RFC1: variants seen among roughly 807,000 people sequenced by gnomAD.
RFC1 encodes replication factor C subunit 1.
A neutral mutation model predicts 137.4 loss-of-function variants in RFC1; 37 were observed. The observed-to-expected ratio is 0.27, with a 90% CI of 0.21 to 0.35. RFC1 has a LOEUF of 0.35. Among genes scored for constraint, RFC1 ranks in the 10% least tolerant of loss-of-function variants. The pLI, the probability that RFC1 is intolerant of heterozygous loss-of-function variation, is 1.00. For synonymous variants in RFC1, 429 were observed against 455.7 expected, an observed-to-expected ratio of 0.94 and a Z score of 0.75; for missense variants, 1,205 against 1,358.5, an observed-to-expected ratio of 0.89 and a Z score of 1.78.
intron 23 of RFC1, among the ~76,000 whole-genome samples, chr4:39,290,932 T>C (rs1737642793): frequency 6.6e-6 from 1 of 152,186 alleles, no homozygotes; most frequent in African/African-American, 2.4e-5. Context: ...CTAAGTAACT[T>C]GAAAGTCTTA....
At chr4:39,353,415 A>T (rs971485148) in intron 1 of RFC1, among the ~76,000 whole-genome samples, 12 of 150,942 alleles carry the variant, frequency 8.0e-5, no homozygotes, top group African/African-American at 2.9e-4. Context: ...AAAAAAAAAA[A>T]AAAAATTAAA....
intron 4 of RFC1, among the ~76,000 whole-genome samples, chr4:39,334,004 C>T (rs558027983): frequency 2.0e-5 from 3 of 151,908 alleles, no homozygotes; most frequent in Non-Finnish European, 4.4e-5. Flanking sequence ...TCTCTAGGCC[C>T]CTAGGAAGGT....
chr4:39,300,410 G>A lies in RFC1; in HGVS notation c.2540C>T (p.Pro847Leu), dbSNP rs199897885. 18 of 1,611,920 alleles carry A rather than the reference G, an allele frequency of 1.1e-5. No individual in the cohort carries two copies. The highest frequency in any genetic ancestry group is 1.7e-4 in the Middle Eastern group (1 of 6,056). The change falls in exon 20 of 25, where the codon CCA (proline) becomes CTA (leucine). Residue 847 changes from proline to leucine, a missense_variant. Physicochemically the swap from Pro to Leu is moderately conservative, Grantham distance 98. Around this residue, in one of 3 missense-constraint regions of RFC1, gnomAD observed 962 missense variants for 1,035.3 expected, o/e 0.93. Coordinates refer to ENST00000349703, the MANE Select transcript of RFC1 (RefSeq NM_002913.5). ...AAACACTTTCCGGGCAACATCAAATGGGCCCTGAAAAAAGAGAGGGACACA... is the reference window on the plus strand; with the variant it reads ...AAACACTTTCCGGGCAACATCAAATAGGCCCTGAAAAAAGAGAGGGACACA... ...HRAKKDIKMG[P>L]FDVARKVFAA...
chr4:39,364,932 T>TA (rs1741946262), intron 1 of RFC1, among the ~76,000 whole-genome samples: 1 of 151,988 alleles, frequency 6.6e-6, no homozygotes, highest in African/African-American at 2.4e-5. Context: ...ATTACCACGT[T>TA]CTTCATCTTC....
chr4:39,359,113 C>T (rs1741624158), intron 1 of RFC1, among the ~76,000 whole-genome samples: 1 of 152,134 alleles, frequency 6.6e-6, no homozygotes. Flanking sequence ...GAAACATGGC[C>T]ACTGCTTTTC....
chr4:39,308,520 C>T, intron 13 of RFC1, 116 bp downstream of exon 13: 1 of 1,409,450 alleles, frequency 7.1e-7, no homozygotes, highest in Admixed American at 2.1e-5. Context: ...AGATCAAGCT[C>T]TTAATAAATG....
chr4:39,327,562 T>C lies in RFC1; in HGVS notation c.526A>G (p.Arg176Gly), dbSNP rs752894711. Residue 176 changes from arginine (R) to glycine (G), a missense_variant, in exon 5 of 25, where the codon AGA (arginine) becomes GGA (glycine). Coordinates refer to ENST00000349703, the MANE Select transcript of RFC1 (RefSeq NM_002913.5). Reference protein sequence around the residue: ...LDYFGTGSVQRSNKKMVASKR... With the variant: ...LDYFGTGSVQGSNKKMVASKR... ...CTTGCCACCATCTTCTTATTAGATCTTTGGACACTTCCAGTTCCAAAATAA... is the reference window on the plus strand; with the variant it reads ...CTTGCCACCATCTTCTTATTAGATCCTTGGACACTTCCAGTTCCAAAATAA... 1 of 1,613,178 alleles carries C rather than the reference T, an allele frequency of 6.2e-7. No homozygotes were observed. Among genetic ancestry groups the C allele is most frequent in the African/African-American group, 1.3e-5 (1 of 74,896 alleles).
chr4:39,333,125 C>A (rs1740183972), intron 4 of RFC1, among the ~76,000 whole-genome samples: 1 of 152,180 alleles, frequency 6.6e-6, no homozygotes, highest in South Asian at 2.1e-4. Context: ...AATTAACCAT[C>A]TGGGTTTCAC....
chr4:39,307,735 C>CAAAAAAA (rs5857671), intron 13 of RFC1, among the ~76,000 whole-genome samples: 1 of 148,314 alleles, frequency 6.7e-6, no homozygotes, highest in African/African-American at 2.5e-5. Flanking sequence ...CAAAACAAAA[C>CAAAAAAA]AAAAAAAAAA....
At chr4:39,348,680 C>T (rs1741032069) in intron 2 of RFC1, among the ~76,000 whole-genome samples, 2 of 151,880 alleles carry the variant, frequency 1.3e-5, no homozygotes, top group South Asian at 2.1e-4. Context: ...GGAAGAATGG[C>T]CCCAAAAGCA....
intron 2 of RFC1, among the ~76,000 whole-genome samples, chr4:39,348,986 T>C (rs1741048158): frequency 6.6e-6 from 1 of 152,266 alleles, no homozygotes; most frequent in Admixed American, 6.5e-5. Flanking sequence ...CTCTTTGGAA[T>C]GGTAATGTCT....
intron 1 of RFC1, among the ~76,000 whole-genome samples, chr4:39,361,969 G>A (rs1422464200): frequency 6.6e-6 from 1 of 152,158 alleles, no homozygotes; most frequent in Non-Finnish European, 1.5e-5. Flanking sequence ...AACCCGGGAG[G>A]CGGAGCTTGC....
intron 4 of RFC1, among the ~76,000 whole-genome samples, chr4:39,334,487 C>T (rs1740258035): frequency 1.3e-5 from 2 of 152,140 alleles, no homozygotes; most frequent in South Asian, 4.1e-4. Flanking sequence ...CTGTGAGGAT[C>T]CTCATGTAAA....
intron 1 of RFC1, among the ~76,000 whole-genome samples, chr4:39,354,749 CAAAAAAAAAA>C (rs34342477): frequency 2.2e-3 from 111 of 51,012 alleles, no homozygotes; most frequent in African/African-American, 7.8e-3. Flanking sequence ...GAAACTATCT[CAAAAAAAAAA>C]AAAAAAAAAA....
rs764000823 is a variant in RFC1 at position 39,308,995 on chromosome 4, T to C, written c.1526A>G (p.Lys509Arg). ...AATTTTTCTTTTTCCTTGGACATTT[T>C]TTTGGGGTGTTCTCTCCAGTTTGGA... ...KESKLERTPQ[K>R]NVQGKRKISP... Residue 509 changes from lysine to arginine, a missense_variant, in exon 13 of 25, where the codon AAA (lysine) becomes AGA (arginine). Physicochemically the swap from Lys to Arg is conservative, Grantham distance 26. This residue lies in a region of RFC1 where 962 missense variants were observed against 1,035.3 expected (regional missense o/e 0.93). Transcript: ENST00000349703. The C allele has an allele frequency of 6.2e-7, 1 of 1,611,534 alleles. No individual in the cohort carries two copies. Among genetic ancestry groups the C allele is most frequent in the East Asian group, 2.2e-5 (1 of 44,884 alleles).
Position 39,290,014 on chromosome 4 carries a change from T to A in RFC1, c.3194A>T (p.Tyr1065Phe). The A allele has an allele frequency of 2.5e-6, 4 of 1,613,546 alleles. No homozygotes were observed. The highest frequency in any genetic ancestry group is 3.4e-6 in the Non-Finnish European group (4 of 1,179,584). The change falls in exon 24 of 25, where the codon TAC becomes TTC. Residue 1065 changes from tyrosine to phenylalanine, a missense_variant. Physicochemically the swap from Tyr to Phe is conservative, Grantham distance 22. Around this residue, in one of 3 missense-constraint regions of RFC1, gnomAD observed 237 missense variants for 304.2 expected, o/e 0.78. Transcript: ENST00000349703. The stretch of plus-strand genomic sequence containing the variant: ...TGGAGTAAGGTGGGCTTCCTTATTG[T>A]AAGCTCTTGTGAAGGCTGCTTTCAC... ...PKVKAAFTRA[Y>F]NKEAHLTPYS... is the part of the protein sequence containing the mutation.
intron 19 of RFC1, among the ~76,000 whole-genome samples, chr4:39,301,013 A>T (rs1387780634): frequency 6.6e-6 from 1 of 151,990 alleles, no homozygotes; most frequent in Non-Finnish European, 1.5e-5. Context: ...GAATCACATG[A>T]ACCCGGGAGG....
chr4:39,326,505 G>A lies in RFC1; in HGVS notation c.642+58C>T, dbSNP rs957583195. On this transcript the variant is annotated intron_variant, in intron 6 of 24. Transcript: ENST00000349703. Reference sequence around the variant, plus strand: ...TGAGGTTCAATTCAAAACCTGGCTGGACTAAATAGCTAGTCAGAATATCAA... The same window carrying A: ...TGAGGTTCAATTCAAAACCTGGCTGAACTAAATAGCTAGTCAGAATATCAA... 5 of 1,395,018 alleles carry A rather than the reference G, an allele frequency of 3.6e-6. No homozygotes were observed. In the African/African-American group the frequency reaches 4.3e-5, roughly 12 times the overall value. 86.4% of individuals were successfully genotyped at this position (1,395,018 alleles called of 1,614,324 possible).
intron 3 of RFC1, 117 bp downstream of exon 3, chr4:39,345,284 C>A: frequency 1.3e-6 from 1 of 752,514 alleles, no homozygotes; most frequent in East Asian, 3.0e-5. Context: ...CAAAGTGCTG[C>A]GATTGCGATT....
Sources: allele counts gnomAD v4.1 joint callset (sites outside exome capture counted in the v4.1 genomes callset), GRCh38; gene constraint gnomAD v4.1.1; regional missense constraint gnomAD v4.1.1; transcripts MANE v1.5; gene names NCBI Gene and HGNC (gene_info 2026-07-23, HGNC 2026-07-21).